The following EPHA6 variants were observed in gnomAD, a reference collection of about 807,000 sequenced individuals.
The protein encoded by EPHA6 is EPH receptor A6, also known as ephrin type-A receptor 6.
A neutral mutation model predicts 112.0 loss-of-function variants in EPHA6; 50 were observed. That is an observed-to-expected ratio of 0.45 (90% CI 0.36 to 0.56). The LOEUF is 0.56. Ranked by LOEUF, EPHA6 falls within the 20% of genes least tolerant of loss-of-function variation. The pLI, the probability that EPHA6 is intolerant of heterozygous loss-of-function variation, is 0.00. For missense variants in EPHA6, 1,280 were observed against 1,417.4 expected, an observed-to-expected ratio of 0.90 and a Z score of 1.56; for synonymous variants, 529 against 490.7, an observed-to-expected ratio of 1.08 and a Z score of -1.03.
chr3:97,127,630 A>G (rs902836456), intron 3 of EPHA6, among the ~76,000 whole-genome samples: 2 of 151,542 alleles, frequency 1.3e-5, no homozygotes, highest in Non-Finnish European at 2.9e-5. Context: ...CTGACAAGGG[A>G]GACTCCTTTG....
intron 2 of EPHA6, among the ~76,000 whole-genome samples, chr3:96,983,786 ACTT>A (rs1219941563): frequency 2.0e-5 from 3 of 151,956 alleles, no homozygotes; most frequent in Non-Finnish European, 4.4e-5. Flanking sequence ...TTCTCTTCTG[ACTT>A]CTTTTCATTC....
chr3:97,440,837 A>G (rs969160951), intron 6 of EPHA6, among the ~76,000 whole-genome samples: 1 of 151,812 alleles, frequency 6.6e-6, no homozygotes, highest in Non-Finnish European at 1.5e-5. Context: ...TTACCTAAAA[A>G]TAATAGGAAA....
At chr3:97,385,472 G>A (rs1284049841) in intron 5 of EPHA6, among the ~76,000 whole-genome samples, 1 of 152,114 alleles carries the variant, frequency 6.6e-6, no homozygotes, top group Non-Finnish European at 1.5e-5. Context: ...AAATTACACA[G>A]AGATAATCAT....
At chr3:97,348,391 T>C (rs2083639335) in intron 5 of EPHA6, among the ~76,000 whole-genome samples, 1 of 152,058 alleles carries the variant, frequency 6.6e-6, no homozygotes, top group Non-Finnish European at 1.5e-5. Context: ...TATTAAAACT[T>C]GGCAGAAATA....
intron 13 of EPHA6, among the ~76,000 whole-genome samples, chr3:97,632,874 G>C (rs948083419): frequency 7.9e-5 from 12 of 152,108 alleles, no homozygotes; most frequent in African/African-American, 2.9e-4. Context: ...AAGTCACAGG[G>C]TAAGATTTGT....
intron 3 of EPHA6, among the ~76,000 whole-genome samples, chr3:97,114,002 A>G (rs2047806306): frequency 6.6e-6 from 1 of 152,092 alleles, no homozygotes; most frequent in Non-Finnish European, 1.5e-5. Context: ...GTATCTTGGG[A>G]TAGATGGCCA....
At chr3:96,893,440 A>C (rs1445980893) in intron 2 of EPHA6, among the ~76,000 whole-genome samples, 1 of 152,218 alleles carries the variant, frequency 6.6e-6, no homozygotes, top group Non-Finnish European at 1.5e-5. Flanking sequence ...CCAACCATAT[A>C]AAATCCATAC....
chr3:96,852,668 C>A (rs1056341589), intron 1 of EPHA6, among the ~76,000 whole-genome samples: 1 of 151,364 alleles, frequency 6.6e-6, no homozygotes, highest in Non-Finnish European at 1.5e-5. Context: ...TGTTGCCCTC[C>A]ACTCCATATT....
intron 7 of EPHA6, among the ~76,000 whole-genome samples, chr3:97,470,989 G>A (rs573348604): frequency 6.6e-6 from 1 of 151,696 alleles, no homozygotes; most frequent in East Asian, 1.9e-4. Context: ...ATGAGTAAAC[G>A]ATACATTTTT....
intron 10 of EPHA6, among the ~76,000 whole-genome samples, chr3:97,500,077 T>A (rs984469680): frequency 1.3e-5 from 2 of 152,174 alleles, no homozygotes; most frequent in African/African-American, 4.8e-5. Context: ...CTTTTTCCTG[T>A]GTAAATTTTG....
chr3:96,912,045 G>A (rs2039244285), intron 2 of EPHA6, among the ~76,000 whole-genome samples: 1 of 151,890 alleles, frequency 6.6e-6, no homozygotes, highest in African/African-American at 2.4e-5. Context: ...TTGGGATGGG[G>A]CATAAATAAA....
intron 5 of EPHA6, among the ~76,000 whole-genome samples, chr3:97,344,033 C>T (rs919237529): frequency 9.2e-5 from 14 of 152,120 alleles, no homozygotes; most frequent in African/African-American, 3.4e-4. Context: ...TGTCCTATGC[C>T]TCTCCCATCA....
chr3:97,038,248 G>A (rs891886469), intron 3 of EPHA6, among the ~76,000 whole-genome samples: 2 of 151,856 alleles, frequency 1.3e-5, no homozygotes, highest in African/African-American at 4.8e-5. Flanking sequence ...TGAACACTAA[G>A]TCTTATTTCT....
chr3:97,684,708 A>G (rs1444406335), intron 14 of EPHA6, among the ~76,000 whole-genome samples: 1 of 152,202 alleles, frequency 6.6e-6, no homozygotes, highest in East Asian at 1.9e-4. Context: ...TGAGCATGCC[A>G]TAGAGTACCT....
chr3:96,837,007 A>C (rs1471124757), intron 1 of EPHA6, among the ~76,000 whole-genome samples: 1 of 152,136 alleles, frequency 6.6e-6, no homozygotes, highest in African/African-American at 2.4e-5. Flanking sequence ...CTCAGATAGG[A>C]TGAGAACTTA....
At chr3:97,653,512 G>A (rs1287080195) in intron 14 of EPHA6, among the ~76,000 whole-genome samples, 1 of 151,912 alleles carries the variant, frequency 6.6e-6, no homozygotes, top group African/African-American at 2.4e-5. Context: ...AGCAAGTGGT[G>A]GTGAAGATAC....
intron 3 of EPHA6, among the ~76,000 whole-genome samples, chr3:97,011,749 A>G (rs1325166017): frequency 2.0e-5 from 3 of 152,188 alleles, no homozygotes; most frequent in Non-Finnish European, 4.4e-5. Flanking sequence ...CCCATCACCC[A>G]GGTAGTGAGC....
intron 3 of EPHA6, among the ~76,000 whole-genome samples, chr3:97,086,182 A>C (rs2046894522): frequency 6.6e-6 from 1 of 151,846 alleles, no homozygotes; most frequent in South Asian, 2.1e-4. Context: ...ATGTCAATAT[A>C]AATTAATATT....
intron 2 of EPHA6, among the ~76,000 whole-genome samples, chr3:96,956,871 TA>T (rs925449120): frequency 5.3e-5 from 8 of 151,628 alleles, no homozygotes; most frequent in Non-Finnish European, 1.0e-4. Flanking sequence ...TGTCTCTACT[TA>T]AAATACAAAA....
Sources: allele counts gnomAD v4.1 joint callset (sites outside exome capture counted in the v4.1 genomes callset), GRCh38; gene constraint gnomAD v4.1.1; transcripts MANE v1.5; gene names NCBI Gene and HGNC (gene_info 2026-07-23, HGNC 2026-07-21).